FER1L6: variants seen among roughly 807,000 people sequenced by gnomAD.
FER1L6 encodes fer-1 like family member 6, also known as fer-1-like protein 6.
In FER1L6, 177 loss-of-function variants were observed where a neutral mutation model predicts 219.2. The observed-to-expected ratio is 0.81, with a 90% CI of 0.71 to 0.91. The LOEUF is 0.91. Among genes scored for constraint, FER1L6 ranks in the 40% least tolerant of loss-of-function variants. The pLI is 0.00. For missense variants in FER1L6, 2,153 were observed against 2,259.9 expected, an observed-to-expected ratio of 0.95 and a Z score of 0.96; for synonymous variants, 768 against 824.3, an observed-to-expected ratio of 0.93 and a Z score of 1.17.
intron 18 of FER1L6, among the ~76,000 whole-genome samples, chr8:124,026,710 A>T (rs953221345): frequency 3.6e-4 from 55 of 151,246 alleles, no homozygotes; most frequent in Non-Finnish European, 7.5e-4. Context: ...TATAGATGTG[A>T]TTTTTTTTTT....
At chr8:124,066,722 G>A (rs1366478660) in intron 27 of FER1L6, among the ~76,000 whole-genome samples, 172 bp downstream of exon 27, 4 of 152,162 alleles carry the variant, frequency 2.6e-5, no homozygotes, top group African/African-American at 4.8e-5. Context: ...CCAGAGATAC[G>A]GAATTACAAA....
At chr8:124,098,032 T>A (rs1464160361) in intron 37 of FER1L6, 149 bp downstream of exon 37, 3 of 508,040 alleles carry the variant, frequency 5.9e-6, no homozygotes, top group Non-Finnish European at 1.1e-5. Context: ...TTGTCTAATA[T>A]TTGTCTTATT....
intron 1 of FER1L6, among the ~76,000 whole-genome samples, chr8:123,881,934 C>A (rs761261228): frequency 2.6e-5 from 4 of 152,206 alleles, no homozygotes; most frequent in Non-Finnish European, 5.9e-5. Context: ...TGTAATCCAC[C>A]ATTTCTTTCA....
At chr8:123,863,985 A>T (rs2130260039) in intron 1 of FER1L6, among the ~76,000 whole-genome samples, 3 of 148,464 alleles carry the variant, frequency 2.0e-5, no homozygotes, top group Admixed American at 2.0e-4. Flanking sequence ...TTTACATTTA[A>T]AGTTAATATT....
chr8:124,037,846 C>T (rs947201641), intron 19 of FER1L6, among the ~76,000 whole-genome samples: 1 of 152,132 alleles, frequency 6.6e-6, no homozygotes, highest in African/African-American at 2.4e-5. Flanking sequence ...ACAAGGGCTG[C>T]CATGTCCCTC....
At chr8:123,962,483 C>A (rs4871450) in intron 2 of FER1L6, among the ~76,000 whole-genome samples, 47,872 of 151,714 alleles carry the variant, frequency 0.32, 8,249 homozygotes, top group Non-Finnish European at 0.4. Flanking sequence ...TATCTTATTG[C>A]CACAGGGTCC....
At chr8:124,062,800 G>A (rs1017083483) in intron 25 of FER1L6, among the ~76,000 whole-genome samples, 21 of 152,080 alleles carry the variant, frequency 1.4e-4, no homozygotes, top group African/African-American at 5.1e-4. Flanking sequence ...GAGATGACTA[G>A]GTCCCAGTAA....
intron 12 of FER1L6, among the ~76,000 whole-genome samples, chr8:123,990,309 C>A (rs2130408027): frequency 6.6e-6 from 1 of 152,208 alleles, no homozygotes; most frequent in Non-Finnish European, 1.5e-5. Flanking sequence ...ATATGGTTTT[C>A]CATAGAGATT....
chr8:123,949,640 A>G lies in FER1L6; in HGVS notation c.-7-6352A>G, dbSNP rs1214508080. Among the ~76,000 whole-genome samples, 4 of 152,210 alleles carry G rather than the reference A, an allele frequency of 2.6e-5. No homozygotes were observed. In the East Asian group the frequency reaches 7.7e-4, roughly 29 times the overall value. On this transcript the variant is annotated intron_variant, in intron 1 of 40. Transcript: ENST00000522917. ...TTTCAAATACTTCCCTCTGAATCATATGGACTTGCCCACTCAGCTGCAGGG... is the reference window on the plus strand; with the variant it reads ...TTTCAAATACTTCCCTCTGAATCATGTGGACTTGCCCACTCAGCTGCAGGG...
At chr8:123,972,043 C>A (rs948339693) in intron 6 of FER1L6, among the ~76,000 whole-genome samples, 3 of 152,210 alleles carry the variant, frequency 2.0e-5, no homozygotes, top group Admixed American at 6.5e-5. Context: ...TTGAAACTGG[C>A]TTGTGTTCTT....
intron 2 of FER1L6, among the ~76,000 whole-genome samples, chr8:123,956,701 C>T (rs1815038278): frequency 6.6e-6 from 1 of 152,204 alleles, no homozygotes; most frequent in Admixed American, 6.5e-5. Context: ...AGAGCTTAAG[C>T]CAAGTGCAAT....
intron 24 of FER1L6, among the ~76,000 whole-genome samples, chr8:124,061,595 CTG>C (rs1466754016): frequency 1.3e-5 from 2 of 152,196 alleles, no homozygotes; most frequent in Non-Finnish European, 2.9e-5. Context: ...CTGAAAATGA[CTG>C]TCAGAGAGAG....
chr8:124,106,581 C>G (rs1343540240), intron 39 of FER1L6, among the ~76,000 whole-genome samples: 1 of 152,020 alleles, frequency 6.6e-6, no homozygotes, highest in Non-Finnish European at 1.5e-5. Flanking sequence ...GTGGACTGGT[C>G]CTTCTGCCTG....
At position 123,944,511 on chromosome 8, in the gene FER1L6, TAAG is replaced by T. The variant is rs146998683; in HGVS notation, c.-7-11478_-7-11476del. Among the ~76,000 whole-genome samples, 681 of 151,862 alleles carry T rather than the reference TAAG, an allele frequency of 4.5e-3. 4 individuals carry two copies. The highest frequency in any genetic ancestry group is 0.015 in the African/African-American group (636 of 41,416). On this transcript the variant is annotated intron_variant, in intron 1 of 40. Transcript: ENST00000522917. Reference sequence around the variant, plus strand: ...GAGCCTCAGTTTTCTTGTCTTCAAATAAGAATAGTAACTATTTTCTTTCATATG... The same window carrying T: ...GAGCCTCAGTTTTCTTGTCTTCAAATAATAGTAACTATTTTCTTTCATATG...
chr8:123,877,354 C>A (rs994636154), intron 1 of FER1L6, among the ~76,000 whole-genome samples: 10 of 152,266 alleles, frequency 6.6e-5, no homozygotes, highest in Admixed American at 3.3e-4. Context: ...CTTCCAAAAT[C>A]GCAAAATAAT....
intron 20 of FER1L6, among the ~76,000 whole-genome samples, chr8:124,043,513 T>C (rs962220463): frequency 3.2e-4 from 49 of 152,300 alleles, no homozygotes; most frequent in East Asian, 3.9e-4. Flanking sequence ...AGGCGAATTA[T>C]AGGCACCTTG....
chr8:123,980,881 A>T (rs1816295275), intron 11 of FER1L6, 70 bp downstream of exon 11: 3 of 1,268,036 alleles, frequency 2.4e-6, no homozygotes, highest in Non-Finnish European at 3.3e-6. Flanking sequence ...CCCCTGCCAC[A>T]GGTTCCTGAA....
intron 7 of FER1L6, 68 bp from the exon 8 acceptor site, chr8:123,975,082 G>A: frequency 7.1e-7 from 1 of 1,409,174 alleles, no homozygotes; most frequent in South Asian, 1.6e-5. Flanking sequence ...CTTGGCGTGT[G>A]GGAGAGAAAG....
intron 18 of FER1L6, among the ~76,000 whole-genome samples, chr8:124,028,033 G>A (rs1382222187): frequency 6.6e-6 from 1 of 152,182 alleles, no homozygotes; most frequent in Non-Finnish European, 1.5e-5. Flanking sequence ...AGAAGGCCCT[G>A]TGCTAAAAAT....
Sources: gnomAD v4.1 joint callset for allele counts (sites outside exome capture counted in the v4.1 genomes callset) on GRCh38, gnomAD v4.1.1 for gene constraint, MANE v1.5 for transcripts, NCBI Gene and HGNC (gene_info 2026-07-23, HGNC 2026-07-21) for gene names.